The following AHCYL1 variants were observed in gnomAD, a reference collection of about 807,000 sequenced individuals.
AHCYL1 encodes adenosylhomocysteinase like 1, also known as S-adenosylhomocysteine hydrolase-like protein 1.
A neutral mutation model predicts 79.3 loss-of-function variants in AHCYL1; 20 were observed. That is an observed-to-expected ratio of 0.25 (90% confidence interval 0.18 to 0.37). AHCYL1 has a LOEUF of 0.37. Ranked by LOEUF, AHCYL1 falls within the 10% of genes least tolerant of loss-of-function variation. The pLI is 1.00. For synonymous variants in AHCYL1, 223 were observed against 242.2 expected (o/e 0.92, Z 0.74); for missense variants, 330 against 673.6 (o/e 0.49, Z 5.65).
chr1:110,014,513 T>G (rs1651282435), intron 5 of AHCYL1, among the ~76,000 whole-genome samples: 1 of 152,262 alleles, frequency 6.6e-6, no homozygotes, highest in Non-Finnish European at 1.5e-5. Context: ...TTTATCTCCT[T>G]CTAAGTATAA....
At chr1:110,018,293 C>T (rs186724) in intron 11 of AHCYL1, 80 bp from the exon 12 acceptor site, 268,557 of 1,349,444 alleles carry the variant, frequency 0.2, 29,835 homozygotes, top group Non-Finnish European at 0.23. Flanking sequence ...AGCCTCTGGT[C>T]TCCTATGTTC....
rs779339787 is a variant in AHCYL1 at position 110,009,162 on chromosome 1, T to A, written c.232+17T>A. On this transcript the variant is annotated intron_variant, in intron 2 of 16. Coordinates refer to ENST00000369799, the MANE Select transcript of AHCYL1 (RefSeq NM_006621.7). Reference sequence around the variant, plus strand: ...ACAGTTCAGGTAGGTGTGAATGAACTCCATGTCCTCTCTAATCTCTCTTCC... The same window carrying A: ...ACAGTTCAGGTAGGTGTGAATGAACACCATGTCCTCTCTAATCTCTCTTCC... 3.0e-5 allele frequency: 47 copies of A among 1,587,964 alleles called. 1 individual carries two copies. The South Asian group carries it at 4.5e-4, about 15-fold the overall frequency.
At chr1:110,000,746 CTTT>C (rs113692663) in intron 1 of AHCYL1, among the ~76,000 whole-genome samples, 1 of 142,688 alleles carries the variant, frequency 7.0e-6, no homozygotes. Flanking sequence ...TGTTTTTGTT[CTTT>C]TTTTTTTTTG....
chr1:109,985,259 A>G (rs1353264077), intron 1 of AHCYL1, 87 bp downstream of exon 1: 3 of 1,499,094 alleles, frequency 2.0e-6, no homozygotes, highest in Non-Finnish European at 2.7e-6. Flanking sequence ...CTAGTTTGGG[A>G]CTTCTGGGGG....
At position 110,011,330 on chromosome 1, in the gene AHCYL1, C is replaced by T. The variant is rs1651011204; in HGVS notation, c.349C>T (p.Arg117Cys). 10 of 1,613,916 alleles carry T rather than the reference C, an allele frequency of 6.2e-6. No individual in the cohort carries two copies. The highest frequency in any genetic ancestry group is 1.1e-5 in the South Asian group (1 of 91,060). The change falls in exon 3 of 17, where the codon CGC becomes TGC. Residue 117 changes from arginine (R) to cysteine (C), a missense_variant. Physicochemically the swap from Arg to Cys is radical, Grantham distance 180. Around this residue, in one of 6 missense-constraint regions of AHCYL1, gnomAD observed 97 missense variants for 176.3 expected, o/e 0.55. Coordinates refer to ENST00000369799, the MANE Select transcript of AHCYL1 (RefSeq NM_006621.7). ...VKNIKQAEFG[R>C]REIEIAEQDM... ...GAACATCAAGCAGGCAGAATTTGGA[C>T]GCCGGGAGATTGAGATTGCAGAGCA... is the stretch of plus-strand genomic sequence containing the variant.
At chr1:110,021,613 G>T (rs1286171089) in intron 16 of AHCYL1, 61 bp from the exon 17 acceptor site, 9 of 1,576,380 alleles carry the variant, frequency 5.7e-6, no homozygotes, top group African/African-American at 1.4e-5. Context: ...GTTTCCGATT[G>T]TTTTTTGGAA....
chr1:109,990,144 A>G (rs1649676751), intron 1 of AHCYL1, among the ~76,000 whole-genome samples: 1 of 152,170 alleles, frequency 6.6e-6, no homozygotes, highest in Non-Finnish European at 1.5e-5. Flanking sequence ...TGTTCCTAAA[A>G]CTGTGAGTAG....
rs1557772065 is a variant in AHCYL1, at chr1:110,013,009, G to T, written c.580+10G>T. ...GCACTGGCTGAGGCTGGTAAGTTCG[G>T]TTTTTTCCCACCAACTTTGCCCCAA... On this transcript the variant is annotated intron_variant, in intron 5 of 16. Coordinates refer to ENST00000369799, the MANE Select transcript of AHCYL1 (RefSeq NM_006621.7). 2.5e-6 allele frequency: 4 copies of T among 1,596,898 alleles called. No homozygotes were observed. Among genetic ancestry groups the T allele is most frequent in the African/African-American group, 2.7e-5 (2 of 74,116 alleles).
At chr1:109,985,849 G>A (rs926392176) in intron 1 of AHCYL1, among the ~76,000 whole-genome samples, 2 of 152,162 alleles carry the variant, frequency 1.3e-5, no homozygotes, top group Non-Finnish European at 2.9e-5. Context: ...CTGGAGAAAG[G>A]AGCTTGGGTG....
intron 5 of AHCYL1, 111 bp from the exon 6 acceptor site, chr1:110,014,652 C>G (rs1248958214): frequency 9.7e-6 from 7 of 720,588 alleles, no homozygotes; most frequent in Non-Finnish European, 1.6e-5. Flanking sequence ...AATTTTTTCC[C>G]TTCTGAAATT....
rs1022800026 is a variant in AHCYL1 at position 109,984,816 on chromosome 1, A to C, written c.-237A>C. 5.9e-6 allele frequency: 2 copies of C among 337,660 alleles called. No individual in the cohort carries two copies. The highest frequency in any genetic ancestry group is 4.2e-6 in the Non-Finnish European group (1 of 236,082). The allele number at this position is 337,660 out of a possible 1,614,324, so 20.9% of individuals were successfully genotyped here. A position where few individuals can be genotyped will look rare whatever the true frequency, so the allele number is the denominator to read the frequency against. Reference sequence around the variant, plus strand: ...GGAGGTGGCGGCGCGGGCAGGTCGGAGCTCGGAGCTGCTGTTCTGGTTCTC... The same window carrying C: ...GGAGGTGGCGGCGCGGGCAGGTCGGCGCTCGGAGCTGCTGTTCTGGTTCTC... On this transcript the variant is annotated 5_prime_UTR_variant, in exon 1 of 17. Coordinates refer to ENST00000369799, the MANE Select transcript of AHCYL1 (RefSeq NM_006621.7).
At position 110,023,060 on chromosome 1, in the gene AHCYL1, T is replaced by C. The variant is rs1254612765; in HGVS notation, c.*1380T>C. 1 of 152,650 alleles carries C rather than the reference T, an allele frequency of 6.6e-6. No individual in the cohort carries two copies. The highest frequency in any genetic ancestry group is 1.5e-5 in the Non-Finnish European group (1 of 68,040). The allele number at this position is 152,650 out of a possible 1,614,324, so 9.5% of individuals were successfully genotyped here. A position where few individuals can be genotyped will look rare whatever the true frequency, so the allele number is the denominator to read the frequency against. On this transcript the variant is annotated 3_prime_UTR_variant, in exon 17 of 17. Coordinates refer to ENST00000369799, the MANE Select transcript of AHCYL1 (RefSeq NM_006621.7). ...CATGGTCAAGTGAGCTTTATGCTCA[T>C]GAGCTTTAAGTATATAATTATCCAG...
intron 14 of AHCYL1, 70 bp downstream of exon 14, chr1:110,019,189 G>T (rs1201236889): frequency 3.5e-6 from 5 of 1,413,180 alleles, no homozygotes; most frequent in Non-Finnish European, 5.0e-6. Context: ...GTTCCAGTGA[G>T]GGTGTACTGT....
At chr1:110,008,683 T>A (rs1257992182) in intron 1 of AHCYL1, among the ~76,000 whole-genome samples, 3 of 152,220 alleles carry the variant, frequency 2.0e-5, no homozygotes, top group Non-Finnish European at 4.4e-5. Flanking sequence ...CTGAAAGATT[T>A]GGGAAGAAGG....
In AHCYL1 at chr1:109,984,816, A is replaced by G. The variant is rs1022800026; in HGVS notation, c.-237A>G. ...GGAGGTGGCGGCGCGGGCAGGTCGG[A>G]GCTCGGAGCTGCTGTTCTGGTTCTC... On this transcript the variant is annotated 5_prime_UTR_variant, in exon 1 of 17. Coordinates refer to ENST00000369799, the MANE Select transcript of AHCYL1 (RefSeq NM_006621.7). The G allele has an allele frequency of 3.3e-5, 11 of 337,660 alleles. No individual in the cohort carries two copies. Among genetic ancestry groups the G allele is most frequent in the African/African-American group, 2.2e-4 (4 of 18,578 alleles). 20.9% of individuals were successfully genotyped at this position (337,660 alleles called of 1,614,324 possible). A position where few individuals can be genotyped will look rare whatever the true frequency, so the allele number is the denominator to read the frequency against.
chr1:110,002,370 A>C (rs1216516716), intron 1 of AHCYL1, among the ~76,000 whole-genome samples: 1 of 152,250 alleles, frequency 6.6e-6, no homozygotes, highest in East Asian at 1.9e-4. Flanking sequence ...CTGTAATGGA[A>C]TCATGTCAAA....
intron 5 of AHCYL1, among the ~76,000 whole-genome samples, 162 bp from the exon 6 acceptor site, chr1:110,014,601 T>C (rs564029471): frequency 2.0e-5 from 3 of 152,378 alleles, no homozygotes; most frequent in Non-Finnish European, 2.9e-5. Flanking sequence ...TTAACCTAAT[T>C]AATTTCTGAA....
At chr1:110,009,248 A>G in intron 2 of AHCYL1, 103 bp downstream of exon 2, 2 of 985,418 alleles carry the variant, frequency 2.0e-6, no homozygotes, top group East Asian at 2.8e-5. Context: ...ATGACTGCCC[A>G]CCTTTGTGCT....
At chr1:109,994,445 T>TTTTTTG (rs140170229) in intron 1 of AHCYL1, among the ~76,000 whole-genome samples, 177 of 152,140 alleles carry the variant, frequency 1.2e-3, no homozygotes, top group Non-Finnish European at 1.8e-3. Context: ...TTTTGGTGTT[T>TTTTTTG]TTTTTGTTTT....
Sources: gnomAD v4.1 joint callset for allele counts (sites outside exome capture counted in the v4.1 genomes callset) on GRCh38, gnomAD v4.1.1 for gene constraint, gnomAD v4.1.1 regional missense constraint, MANE v1.5 for transcripts, NCBI Gene and HGNC (gene_info 2026-07-23, HGNC 2026-07-21) for gene names.